PLCB1: variants seen among roughly 807,000 people sequenced by gnomAD.
PLCB1 encodes the protein phospholipase C beta 1.
Under a neutral mutation model 161.8 loss-of-function variants are expected in PLCB1, and 46 were observed. That is an observed-to-expected ratio of 0.28 (90% CI 0.22 to 0.36). PLCB1 has a LOEUF of 0.36. PLCB1 is among the 10% of genes least tolerant of loss of function. PLCB1 has a pLI of 1.00. For synonymous variants in PLCB1, 517 were observed against 503.7 expected, an observed-to-expected ratio of 1.03 and a Z score of -0.35; for missense variants, 1,016 against 1,472.5, an observed-to-expected ratio of 0.69 and a Z score of 5.07.
chr20:8,684,526 T>C (rs1297204584), intron 9 of PLCB1, among the ~76,000 whole-genome samples: 2 of 152,166 alleles, frequency 1.3e-5, no homozygotes, highest in African/African-American at 4.8e-5. Flanking sequence ...AGTGCTGGGA[T>C]TACAGGCCAC....
chr20:8,137,785 C>A (rs537697341), intron 1 of PLCB1, among the ~76,000 whole-genome samples: 1 of 152,166 alleles, frequency 6.6e-6, no homozygotes, highest in Non-Finnish European at 1.5e-5. Flanking sequence ...TAACCCTTAT[C>A]TTGACTTCTA....
At chr20:8,199,076 A>G (rs1037036746) in intron 2 of PLCB1, among the ~76,000 whole-genome samples, 3 of 151,994 alleles carry the variant, frequency 2.0e-5, no homozygotes, top group East Asian at 1.9e-4. Flanking sequence ...CTACAATTTT[A>G]TTTACCAAAA....
intron 11 of PLCB1, among the ~76,000 whole-genome samples, chr20:8,699,035 T>G (rs2123430966): frequency 6.6e-6 from 1 of 152,092 alleles, no homozygotes; most frequent in East Asian, 1.9e-4. Context: ...AAATCTGGGG[T>G]CCTAGGTACT....
At chr20:8,219,151 G>A (rs947743811) in intron 2 of PLCB1, among the ~76,000 whole-genome samples, 1 of 152,076 alleles carries the variant, frequency 6.6e-6, no homozygotes, top group Admixed American at 6.6e-5. Flanking sequence ...ATTTGTACAA[G>A]CATCTCAAGA....
chr20:8,823,510 C>A (rs6118329), intron 31 of PLCB1, among the ~76,000 whole-genome samples: 35,968 of 152,174 alleles, frequency 0.24, 5,197 homozygotes, highest in South Asian at 0.32. Flanking sequence ...TGGAACCAAT[C>A]CCCCATGGAT....
At chr20:8,360,649 A>T (rs1193192370) in intron 2 of PLCB1, among the ~76,000 whole-genome samples, 1 of 152,172 alleles carries the variant, frequency 6.6e-6, no homozygotes, top group African/African-American at 2.4e-5. Context: ...CCTTTTAGAC[A>T]TATCCAGCTC....
intron 2 of PLCB1, among the ~76,000 whole-genome samples, chr20:8,256,461 A>G (rs1981423400): frequency 1.3e-5 from 2 of 152,092 alleles, no homozygotes; most frequent in African/African-American, 4.8e-5. Context: ...AAGGGCAAAG[A>G]CAGGGCTCCA....
intron 3 of PLCB1, among the ~76,000 whole-genome samples, chr20:8,475,017 AC>A (rs1982212791): frequency 6.6e-6 from 1 of 151,522 alleles, no homozygotes; most frequent in African/African-American, 2.4e-5. Context: ...ACAGACACAC[AC>A]ACACACACAC....
rs1432315930 is a variant in PLCB1, at chr20:8,242,944, T to G, written c.177+92573T>G. ...GAATTGGATAAGATATGAAGCTATGTTAATTGGAAGTTAATGAGATGAGAA... is the reference window on the plus strand; with the variant it reads ...GAATTGGATAAGATATGAAGCTATGGTAATTGGAAGTTAATGAGATGAGAA... On this transcript the variant is annotated intron_variant, in intron 2 of 31. Coordinates refer to ENST00000338037, the MANE Select transcript of PLCB1 (RefSeq NM_015192.4). 4.6e-5 allele frequency among the ~76,000 whole-genome samples: 7 copies of G among 152,038 alleles called. No homozygotes were observed. In the East Asian group the frequency reaches 1.2e-3, roughly 25 times the overall value.
Position 8,757,036 on chromosome 20 carries a change from A to T in PLCB1, c.2524-10A>T, listed in dbSNP as rs1392713788. Reference sequence around the variant, plus strand: ...AAATGTGGAAAATGAAAGGATATTTATAATTTTAGGCTGATCCTGGAGAAA... The same window carrying T: ...AAATGTGGAAAATGAAAGGATATTTTTAATTTTAGGCTGATCCTGGAGAAA... On this transcript the variant is annotated splice_polypyrimidine_tract_variant and intron_variant, in intron 23 of 31. Coordinates refer to ENST00000338037, the MANE Select transcript of PLCB1 (RefSeq NM_015192.4). 2 of 1,582,862 alleles carry T rather than the reference A, an allele frequency of 1.3e-6. No individual in the cohort carries two copies. Among genetic ancestry groups the T allele is most frequent in the South Asian group, 1.2e-5 (1 of 86,008 alleles).
intron 1 of PLCB1, among the ~76,000 whole-genome samples, chr20:8,134,881 A>C (rs954449718): frequency 5.9e-5 from 9 of 152,116 alleles, no homozygotes; most frequent in South Asian, 4.1e-4. Flanking sequence ...AAAAAAAAAA[A>C]AAACCTAGAC....
intron 3 of PLCB1, among the ~76,000 whole-genome samples, chr20:8,480,408 G>C (rs7263956): frequency 0.01 from 1,551 of 152,288 alleles, 21 homozygotes; most frequent in African/African-American, 0.029. Context: ...CCTGAAACTG[G>C]GGGGAGGAGA....
Position 8,658,550 on chromosome 20 carries a change from C to G in PLCB1, c.708C>G (p.Ser236Arg). ...TCATTGTTTTTAGTGGTGCAAAAAG[C>G]AAACCATATCTTACCGTTGATCAGA... ...DNIFSEFGAKSKPYLTVDQMM... is the reference protein window; with the variant it reads ...DNIFSEFGAKRKPYLTVDQMM... Residue 236 changes from serine (S) to arginine (R), a missense_variant, in exon 9 of 32, where the codon AGC (serine) becomes AGG (arginine). Coordinates refer to ENST00000338037, the MANE Select transcript of PLCB1 (RefSeq NM_015192.4). The G allele has an allele frequency of 6.3e-7, 1 of 1,597,128 alleles. No individual in the cohort carries two copies. The highest frequency in any genetic ancestry group is 8.5e-7 in the Non-Finnish European group (1 of 1,174,742).
rs370564851 is a variant in PLCB1 at position 8,486,644 on chromosome 20, C to T, written c.246+115194C>T. ...CCGAGTAGCTGGGACTACAGGCGCCCGCCACCGCGCCCGGCTAATTTTTTG... is the reference window on the plus strand; with the variant it reads ...CCGAGTAGCTGGGACTACAGGCGCCTGCCACCGCGCCCGGCTAATTTTTTG... On this transcript the variant is annotated intron_variant, in intron 3 of 31. Transcript: ENST00000338037. Among the ~76,000 whole-genome samples the T allele has an allele frequency of 2.5e-3, 376 of 150,896 alleles. 4 individuals are homozygous for T. Among genetic ancestry groups the T allele is most frequent in the South Asian group, 0.013 (64 of 4,762 alleles).
intron 31 of PLCB1, among the ~76,000 whole-genome samples, chr20:8,880,742 C>T (rs1424248300): frequency 6.6e-6 from 1 of 151,522 alleles, no homozygotes; most frequent in Non-Finnish European, 1.5e-5. Context: ...GACCTTGGAA[C>T]GCTCACCTAT....
chr20:8,874,834 G>T (rs554823003), intron 31 of PLCB1, among the ~76,000 whole-genome samples: 76 of 151,918 alleles, frequency 5.0e-4, no homozygotes, highest in African/African-American at 1.6e-3. Context: ...CTTATATGTT[G>T]GTGGTTTTGT....
chr20:8,800,981 C>T (rs925311517), intron 31 of PLCB1, among the ~76,000 whole-genome samples: 9 of 152,178 alleles, frequency 5.9e-5, no homozygotes, highest in Non-Finnish European at 1.0e-4. Context: ...CACTCAAAAT[C>T]TATTCTCAAC....
At chr20:8,306,292 C>T (rs1984134854) in intron 2 of PLCB1, 2 of 152,154 alleles carry the variant, frequency 1.3e-5, no homozygotes, top group African/African-American at 2.4e-5. Context: ...CTTTTCCTCT[C>T]CATCCAAAAT....
chr20:8,641,000 A>G (rs938958361), intron 4 of PLCB1, among the ~76,000 whole-genome samples: 1 of 152,216 alleles, frequency 6.6e-6, no homozygotes, highest in Non-Finnish European at 1.5e-5. Flanking sequence ...TCTTCCTTAG[A>G]GTATCAGGAT....
Sources: gnomAD v4.1 joint callset for allele counts (sites outside exome capture counted in the v4.1 genomes callset) on GRCh38, gnomAD v4.1.1 for gene constraint, MANE v1.5 for transcripts, NCBI Gene and HGNC (gene_info 2026-07-23, HGNC 2026-07-21) for gene names.